The following LAMA2 variants were observed in gnomAD, a reference collection of about 807,000 sequenced individuals.
LAMA2 encodes laminin subunit alpha 2.
LAMA2 carries 269 observed loss-of-function variants against 364.8 expected under a neutral mutation model. The ratio of observed to expected loss-of-function variants is 0.74; its 90% CI spans 0.67 to 0.82. LAMA2 has a LOEUF of 0.82. Ranked by LOEUF, LAMA2 falls within the 40% of genes least tolerant of loss-of-function variation. The probability of loss-of-function intolerance (pLI) is 0.00; values close to 1 mark genes in which losing one functional copy is unlikely to be tolerated. For missense variants in LAMA2, 3,807 were observed against 3,873.2 expected, an observed-to-expected ratio of 0.98 and a Z score of 0.45; for synonymous variants, 1,379 against 1,370.6, an observed-to-expected ratio of 1.01 and a Z score of -0.14.
chr6:129,312,466 C>T (rs940028782), intron 22 of LAMA2, among the ~76,000 whole-genome samples: 3 of 151,984 alleles, frequency 2.0e-5, no homozygotes, highest in Admixed American at 6.5e-5. Flanking sequence ...TCTACTAGAC[C>T]GTAAGGTATG....
chr6:129,144,224 T>C (rs1323476601), intron 5 of LAMA2, 144 bp downstream of exon 5: 6 of 594,732 alleles, frequency 1.0e-5, no homozygotes, highest in Non-Finnish European at 1.7e-5. Context: ...TTATTATTAT[T>C]ATTATTATTT....
At chr6:129,411,321 A>G (rs1313199316) in intron 40 of LAMA2, among the ~76,000 whole-genome samples, 1 of 152,210 alleles carries the variant, frequency 6.6e-6, no homozygotes, top group Non-Finnish European at 1.5e-5. Context: ...TTTCTAGGAA[A>G]AATAATATAA....
intron 4 of LAMA2, among the ~76,000 whole-genome samples, chr6:129,104,782 C>G (rs949317187): frequency 4.6e-5 from 7 of 152,150 alleles, no homozygotes; most frequent in Non-Finnish European, 8.8e-5. Context: ...CTGCCCTCCA[C>G]TCCACATTGA....
intron 1 of LAMA2, among the ~76,000 whole-genome samples, chr6:129,010,139 G>T (rs1236966412): frequency 6.6e-6 from 1 of 152,172 alleles, no homozygotes; most frequent in East Asian, 1.9e-4. Context: ...TTGTTTAAAA[G>T]ATTTAAAAAT....
At chr6:129,352,227 T>A (rs1037686986) in intron 31 of LAMA2, among the ~76,000 whole-genome samples, 8 of 152,208 alleles carry the variant, frequency 5.3e-5, no homozygotes, top group Admixed American at 4.6e-4. Flanking sequence ...CAAACCAGAA[T>A]GTATGGCCCT....
intron 29 of LAMA2, among the ~76,000 whole-genome samples, chr6:129,332,030 C>T (rs1775686459): frequency 6.6e-6 from 1 of 152,148 alleles, no homozygotes; most frequent in African/African-American, 2.4e-5. Flanking sequence ...TAGTGGTATT[C>T]CTGGGACTCA....
chr6:129,361,838 G>A (rs1161949393), intron 32 of LAMA2, among the ~76,000 whole-genome samples: 1 of 136,626 alleles, frequency 7.3e-6, no homozygotes, highest in Non-Finnish European at 1.5e-5. Flanking sequence ...AGGCTGAAGT[G>A]CAGTGGCATG....
intron 1 of LAMA2, among the ~76,000 whole-genome samples, chr6:129,025,621 T>A (rs1409639633): frequency 1.3e-5 from 2 of 152,176 alleles, no homozygotes; most frequent in African/African-American, 4.8e-5. Context: ...TGAAAAAATT[T>A]AAATCAAGGA....
At chr6:129,323,725 T>C (rs1775104845) in intron 28 of LAMA2, among the ~76,000 whole-genome samples, 1 of 152,232 alleles carries the variant, frequency 6.6e-6, no homozygotes. Flanking sequence ...CATTCTTACT[T>C]ATGACTTTCT....
chr6:129,205,459 CT>C (rs1289676516), intron 12 of LAMA2, among the ~76,000 whole-genome samples: 1 of 137,070 alleles, frequency 7.3e-6, no homozygotes, highest in Non-Finnish European at 1.5e-5. Context: ...TACTTCTCTT[CT>C]GGGAATTTAT....
intron 32 of LAMA2, among the ~76,000 whole-genome samples, chr6:129,353,726 C>A (rs1351654920): frequency 5.3e-5 from 8 of 152,224 alleles, no homozygotes; most frequent in African/African-American, 1.9e-4. Context: ...ATTTAGAATC[C>A]TCCTGAATTT....
chr6:129,264,100 G>C (rs973919036), intron 15 of LAMA2, among the ~76,000 whole-genome samples: 2 of 152,094 alleles, frequency 1.3e-5, no homozygotes, highest in South Asian at 4.1e-4. Context: ...ATGTGTCTTA[G>C]GAGGGCATGA....
intron 32 of LAMA2, 90 bp downstream of exon 32, chr6:129,353,447 C>T: frequency 9.9e-7 from 1 of 1,008,818 alleles, no homozygotes; most frequent in East Asian, 2.5e-5. Flanking sequence ...TCCCCGCCCG[C>T]CTTTTTTTTT....
chr6:129,216,937 T>G (rs891905266), intron 12 of LAMA2, among the ~76,000 whole-genome samples: 4 of 152,166 alleles, frequency 2.6e-5, no homozygotes, highest in African/African-American at 9.7e-5. Flanking sequence ...ATGCCTGTAA[T>G]CCCAGCATTT....
chr6:129,323,760 C>T (rs2114520986), intron 28 of LAMA2, among the ~76,000 whole-genome samples: 1 of 152,274 alleles, frequency 6.6e-6, no homozygotes, highest in South Asian at 2.1e-4. Flanking sequence ...AAATATTCAG[C>T]CTTGCGTGTG....
At chr6:129,390,652 C>A (rs931423281) in intron 35 of LAMA2, among the ~76,000 whole-genome samples, 3 of 152,094 alleles carry the variant, frequency 2.0e-5, no homozygotes, top group African/African-American at 4.8e-5. Context: ...ATAGAACACA[C>A]TCCAGGAAAC....
At chr6:128,921,482 A>G (rs1471304577) in intron 1 of LAMA2, among the ~76,000 whole-genome samples, 1 of 152,190 alleles carries the variant, frequency 6.6e-6, no homozygotes, top group African/African-American at 2.4e-5. Context: ...CCCTGATCCA[A>G]TATGACTGGT....
chr6:129,190,619 G>T (rs563695906), intron 11 of LAMA2, among the ~76,000 whole-genome samples: 240 of 152,238 alleles, frequency 1.6e-3, no homozygotes, highest in Non-Finnish European at 1.8e-3. Context: ...TGCAATTAAG[G>T]TTTCAACTCC....
rs759555791 is a variant in LAMA2 at position 129,288,059 on chromosome 6, G to A, written c.2749+1G>A. The A allele has an allele frequency of 5.6e-6, 9 of 1,612,800 alleles. No individual in the cohort carries two copies. In the East Asian group the frequency reaches 6.7e-5, roughly 12 times the overall value. On this transcript the variant is annotated splice_donor_variant, in intron 19 of 64. Coordinates refer to ENST00000421865, the MANE Select transcript of LAMA2 (RefSeq NM_000426.4). LOFTEE classifies it high-confidence loss of function. The stretch of plus-strand genomic sequence containing the variant: ...GCAGTTGATGCGAAGAACTGTCAGC[G>A]TAAGTCCTGAACTATTGATGCCCCT...
Sources: gnomAD v4.1 joint callset for allele counts (sites outside exome capture counted in the v4.1 genomes callset) on GRCh38, gnomAD v4.1.1 for gene constraint, MANE v1.5 for transcripts, NCBI Gene and HGNC (gene_info 2026-07-23, HGNC 2026-07-21) for gene names.